DNAJC15: variants seen among roughly 807,000 people sequenced by gnomAD.
DNAJC15 encodes dnaJ homolog subfamily C member 15.
DNAJC15 carries 27 observed loss-of-function variants against 22.4 expected under a neutral mutation model. That is an observed-to-expected ratio of 1.20 (90% CI 0.89 to 1.66). The LOEUF (loss-of-function observed/expected upper bound fraction) is 1.66, where lower values mean the gene tolerates loss of function less well. DNAJC15 is among the 40% of genes most tolerant of loss of function. DNAJC15 has a pLI of 0.00. For synonymous variants in DNAJC15, 79 were observed against 63.2 expected (o/e 1.25, Z -1.19); for missense variants, 208 against 187.1 (o/e 1.11, Z -0.65).
chr13:43,064,933 A>C (rs1161180080), intron 1 of DNAJC15, among the ~76,000 whole-genome samples: 1 of 151,678 alleles, frequency 6.6e-6, no homozygotes, highest in Non-Finnish European at 1.5e-5. Flanking sequence ...GCTTGGAAAA[A>C]TATATCTAGC....
chr13:43,025,557 A>G (rs977362668), intron 1 of DNAJC15, among the ~76,000 whole-genome samples: 4 of 152,218 alleles, frequency 2.6e-5, no homozygotes, highest in Non-Finnish European at 4.4e-5. Flanking sequence ...AACTTTTAAT[A>G]ATCAATATAA....
chr13:43,063,146 A>T (rs1442930360), intron 1 of DNAJC15, among the ~76,000 whole-genome samples: 1 of 151,970 alleles, frequency 6.6e-6, no homozygotes, highest in Non-Finnish European at 1.5e-5. Context: ...AGTAGCTGGG[A>T]TTACAGGCAC....
intron 1 of DNAJC15, among the ~76,000 whole-genome samples, chr13:43,056,313 T>C (rs2040531203): frequency 6.6e-6 from 1 of 152,088 alleles, no homozygotes; most frequent in South Asian, 2.1e-4. Flanking sequence ...TAATTTTGTA[T>C]TTTTAGTAGA....
chr13:43,095,633 T>C (rs577620780), intron 5 of DNAJC15, among the ~76,000 whole-genome samples: 1 of 151,886 alleles, frequency 6.6e-6, no homozygotes, highest in Non-Finnish European at 1.5e-5. Context: ...CAAACACTTA[T>C]AGATCAAGTT....
chr13:43,098,748 T>C (rs1390011500), intron 5 of DNAJC15, among the ~76,000 whole-genome samples: 1 of 152,222 alleles, frequency 6.6e-6, no homozygotes, highest in Non-Finnish European at 1.5e-5. Context: ...CATTGATCAG[T>C]CTGTCTGTCC....
chr13:43,107,156 T>A, intron 5 of DNAJC15, 22 bp from the exon 6 acceptor site: 1 of 1,537,716 alleles, frequency 6.5e-7, no homozygotes, highest in Non-Finnish European at 8.7e-7. Context: ...GTATTTTAAT[T>A]CATTTTTCTT....
rs34398144 is a variant in DNAJC15 at position 43,024,893 on chromosome 13, T to TAA, written c.108+1176_108+1177dup. Among the ~76,000 whole-genome samples, 27 of 85,942 alleles carry TAA rather than the reference T, an allele frequency of 3.1e-4. 4 individuals carry two copies. Among genetic ancestry groups the TAA allele is most frequent in the Admixed American group, 1.4e-3 (11 of 7,710 alleles). The allele number at this position is 85,942 out of a possible 152,430, so 56.4% of individuals were successfully genotyped here. Reference sequence around the variant, plus strand: ...GCAACACAGGAGACCCCATCTCTGCTAAAAAAAAAAAAAAAAAATTAGCTG... The same window carrying TAA: ...GCAACACAGGAGACCCCATCTCTGCTAAAAAAAAAAAAAAAAAAAATTAGCTG... On this transcript the variant is annotated intron_variant, in intron 1 of 5. Coordinates refer to ENST00000379221, the MANE Select transcript of DNAJC15 (RefSeq NM_013238.3).
At chr13:43,034,607 A>G (rs71429448) in intron 1 of DNAJC15, among the ~76,000 whole-genome samples, 32,572 of 113,988 alleles carry the variant, frequency 0.29, 4,393 homozygotes, top group Non-Finnish European at 0.37. Flanking sequence ...GAGCCACCGC[A>G]CCCAGCCGAG....
chr13:43,034,476 C>A (rs1046310397), intron 1 of DNAJC15, among the ~76,000 whole-genome samples: 1 of 151,628 alleles, frequency 6.6e-6, no homozygotes, highest in Non-Finnish European at 1.5e-5. Context: ...CCACCGCGCC[C>A]GGCTAATTTT....
intron 3 of DNAJC15, among the ~76,000 whole-genome samples, chr13:43,070,052 A>AC (rs777840353): frequency 3.9e-4 from 60 of 152,186 alleles, no homozygotes; most frequent in Non-Finnish European, 5.6e-4. Context: ...TGATCATAAA[A>AC]CCAGAAATTT....
chr13:43,023,804 C>A (rs1467963994), intron 1 of DNAJC15, 70 bp downstream of exon 1: 2 of 1,393,872 alleles, frequency 1.4e-6, no homozygotes, highest in Non-Finnish European at 2.0e-6. Context: ...CCCTCTACCG[C>A]CTCACCCTTG....
intron 5 of DNAJC15, among the ~76,000 whole-genome samples, chr13:43,103,509 C>T (rs1292973071): frequency 2.0e-5 from 3 of 152,102 alleles, no homozygotes; most frequent in Non-Finnish European, 2.9e-5. Context: ...TAAATAGCAC[C>T]GTTTATTGTT....
chr13:43,088,467 T>C (rs1309737032), intron 5 of DNAJC15, among the ~76,000 whole-genome samples: 1 of 152,188 alleles, frequency 6.6e-6, no homozygotes, highest in Non-Finnish European at 1.5e-5. Context: ...GGTGGACAGC[T>C]CTAACTACTA....
chr13:43,077,740 C>T (rs1205860436), intron 3 of DNAJC15, among the ~76,000 whole-genome samples: 3 of 152,200 alleles, frequency 2.0e-5, no homozygotes, highest in Non-Finnish European at 2.9e-5. Context: ...ATCTGATGAG[C>T]ACATAACAGT....
In DNAJC15 at chr13:43,023,823, T is replaced by G. The variant is rs1440719478; in HGVS notation, c.108+89T>G. Reference sequence around the variant, plus strand: ...CTACCGCCTCACCCTTGAACCTTTGTACTCCCCCGCATTCGCTCACGGTCT... The same window carrying G: ...CTACCGCCTCACCCTTGAACCTTTGGACTCCCCCGCATTCGCTCACGGTCT... On this transcript the variant is annotated intron_variant, in intron 1 of 5. Transcript: ENST00000379221. The G allele has an allele frequency of 7.0e-5, 85 of 1,218,862 alleles. 1 individual carries two copies. In the East Asian group the frequency reaches 2.2e-3, roughly 31 times the overall value. 75.5% of individuals were successfully genotyped at this position (1,218,862 alleles called of 1,614,324 possible).
In DNAJC15 at chr13:43,107,303, A is replaced by AG; in HGVS notation, c.*56dup. The AG allele has an allele frequency of 7.0e-7, 1 of 1,422,888 alleles. No individual in the cohort carries two copies. Among genetic ancestry groups the AG allele is most frequent in the South Asian group, 1.4e-5 (1 of 70,336 alleles). 88.1% of individuals were successfully genotyped at this position (1,422,888 alleles called of 1,614,324 possible). ...AAGAGGGGACTTCGAAAAAAAAAAA[A>AG]GCCCTGCAAAATATTCTAAAACATG... On this transcript the variant is annotated 3_prime_UTR_variant, in exon 6 of 6. Coordinates refer to ENST00000379221, the MANE Select transcript of DNAJC15 (RefSeq NM_013238.3).
At position 43,113,786 on chromosome 13, in the gene DNAJC15, G is replaced by A. The variant is rs546614049; in HGVS notation, c.*6538G>A. ...ATGCCTCTGGAATGTTTGTGCTTTG[G>A]TGGTGAGATGTGAGACTATATTTGT... On this transcript the variant is annotated 3_prime_UTR_variant, in exon 6 of 6. Coordinates refer to ENST00000379221, the MANE Select transcript of DNAJC15 (RefSeq NM_013238.3). 1 of 152,282 alleles carries A rather than the reference G, an allele frequency of 6.6e-6. No homozygotes were observed. Among genetic ancestry groups the A allele is most frequent in the South Asian group, 2.1e-4 (1 of 4,820 alleles). The allele number at this position is 152,282 out of a possible 1,614,324, so 9.4% of individuals were successfully genotyped here. A position where few individuals can be genotyped will look rare whatever the true frequency, so the allele number is the denominator to read the frequency against.
intron 3 of DNAJC15, among the ~76,000 whole-genome samples, chr13:43,075,978 T>C (rs1292942012): frequency 1.3e-5 from 2 of 152,068 alleles, no homozygotes; most frequent in Non-Finnish European, 2.9e-5. Context: ...TTCTTTCCAT[T>C]TGTATCTGTA....
At chr13:43,070,219 C>A (rs979332691) in intron 3 of DNAJC15, among the ~76,000 whole-genome samples, 4 of 151,958 alleles carry the variant, frequency 2.6e-5, no homozygotes, top group East Asian at 1.9e-4. Context: ...AACTTAGATT[C>A]AAAAAAACAG....
Sources: allele counts gnomAD v4.1 joint callset (sites outside exome capture counted in the v4.1 genomes callset), GRCh38; gene constraint gnomAD v4.1.1; transcripts MANE v1.5; gene names NCBI Gene and HGNC (gene_info 2026-07-23, HGNC 2026-07-21).